TANC2: variants seen among roughly 807,000 people sequenced by gnomAD.
TANC2 encodes the protein protein TANC2.
In TANC2, 26 loss-of-function variants were observed where a neutral mutation model predicts 210.5. The ratio of observed to expected loss-of-function variants is 0.12; its 90% CI spans 0.09 to 0.17. The LOEUF (loss-of-function observed/expected upper bound fraction) is 0.17. Ranked by LOEUF, TANC2 falls within the 10% of genes least tolerant of loss-of-function variation. The probability of loss-of-function intolerance (pLI) is 1.00; values close to 1 mark genes in which losing one functional copy is unlikely to be tolerated. For synonymous variants in TANC2, 931 were observed against 967.1 expected (o/e 0.96, Z 0.69); for missense variants, 2,129 against 2,608.9 (o/e 0.82, Z 4.01).
At chr17:63,332,362 T>C in intron 11 of TANC2, 1 of 311,636 alleles carries the variant, frequency 3.2e-6, no homozygotes, top group Non-Finnish European at 6.3e-6. Flanking sequence ...TTTTCTACAG[T>C]AAGTTTTTCA....
chr17:63,237,675 A>G (rs866444472), intron 7 of TANC2, 139 bp from the exon 8 acceptor site: 2 of 781,166 alleles, frequency 2.6e-6, no homozygotes, highest in African/African-American at 3.5e-5. Flanking sequence ...ATTCCCCTGC[A>G]TATGGCAATC....
At position 63,218,026 on chromosome 17, in the gene TANC2, G is replaced by A. The variant is rs775013828; in HGVS notation, c.769+17069G>A. ...TTGGTTAGGCACGGTGGCTCACGCC[G>A]TAATACCAGCACTTTGGGAGGTCGA... On this transcript the variant is annotated intron_variant, in intron 7 of 27. Coordinates refer to ENST00000689528, the Ensembl canonical transcript of TANC2. 4.0e-5 allele frequency among the ~76,000 whole-genome samples: 6 copies of A among 151,800 alleles called. No homozygotes were observed. In the East Asian group the frequency reaches 5.8e-4, roughly 15 times the overall value.
intron 14 of TANC2, among the ~76,000 whole-genome samples, chr17:63,368,074 G>A (rs922547411): frequency 6.6e-6 from 1 of 152,212 alleles, no homozygotes; most frequent in African/African-American, 2.4e-5. Flanking sequence ...AGAGAGCAGA[G>A]TGTATGTGGG....
At chr17:63,304,861 G>C (rs6504159) in intron 9 of TANC2, among the ~76,000 whole-genome samples, 11,355 of 152,216 alleles carry the variant, frequency 0.075, 1,341 homozygotes, top group African/African-American at 0.25. Context: ...CTCTGTCCGC[G>C]GTCTGCCACA....
chr17:63,030,220 C>T (rs2034713660), intron 2 of TANC2, among the ~76,000 whole-genome samples: 1 of 151,978 alleles, frequency 6.6e-6, no homozygotes, highest in Non-Finnish European at 1.5e-5. Context: ...GAGTCTCCTC[C>T]CTGGTCAGTT....
rs189076919 is a variant in TANC2, at chr17:63,283,778, A to G, written c.1159+15905A>G. Among the ~76,000 whole-genome samples, 162 of 152,032 alleles carry G rather than the reference A, an allele frequency of 1.1e-3. 1 individual carries two copies. In the East Asian group the frequency reaches 0.012, roughly 11 times the overall value. ...TGATATTGCTTTTAGCTTAATTTCTAATTGTTCATTGCCAATATATAGAAG... is the reference window on the plus strand; with the variant it reads ...TGATATTGCTTTTAGCTTAATTTCTGATTGTTCATTGCCAATATATAGAAG... On this transcript the variant is annotated intron_variant, in intron 9 of 27. Coordinates refer to ENST00000689528, the Ensembl canonical transcript of TANC2.
intron 26 of TANC2, 22 bp downstream of exon 26, chr17:63,415,696 T>G (rs1274880687): frequency 2.5e-6 from 4 of 1,607,478 alleles, no homozygotes; most frequent in Non-Finnish European, 3.4e-6. Flanking sequence ...TCACCCCAAC[T>G]CCTTTCTGCA....
At chr17:63,263,138 A>G (rs1287937608) in intron 8 of TANC2, among the ~76,000 whole-genome samples, 2 of 152,172 alleles carry the variant, frequency 1.3e-5, no homozygotes, top group East Asian at 3.8e-4. Context: ...GCACATTTTA[A>G]TCGGCTCTTA....
intron 18 of TANC2, among the ~76,000 whole-genome samples, 149 bp from the exon 19 acceptor site, chr17:63,398,668 GTTTC>G (rs771699134): frequency 3.9e-5 from 6 of 152,214 alleles, no homozygotes; most frequent in African/African-American, 9.6e-5. Flanking sequence ...GAAGCTGTGA[GTTTC>G]TTTATTAGGA....
chr17:63,291,156 G>T (rs543513097), intron 9 of TANC2, among the ~76,000 whole-genome samples: 1 of 152,196 alleles, frequency 6.6e-6, no homozygotes, highest in African/African-American at 2.4e-5. Context: ...CATGCACAGA[G>T]CTTGGAAAAT....
At chr17:63,028,647 C>T (rs1326906976) in intron 2 of TANC2, among the ~76,000 whole-genome samples, 3 of 152,108 alleles carry the variant, frequency 2.0e-5, no homozygotes, top group Non-Finnish European at 4.4e-5. Flanking sequence ...GTTTCATCTC[C>T]ACTTTTCAGG....
At chr17:63,219,031 T>C in intron 7 of TANC2, among the ~76,000 whole-genome samples, 1 of 152,190 alleles carries the variant, frequency 6.6e-6, no homozygotes, top group East Asian at 1.9e-4. Flanking sequence ...AAGCACTAAA[T>C]TGTGGAATAA....
chr17:63,413,307 G>A lies in TANC2; in HGVS notation c.3929-236G>A, dbSNP rs565924535. 5.3e-4 allele frequency: 204 copies of A among 384,196 alleles called. 2 individuals carry two copies. Among genetic ancestry groups the A allele is most frequent in the African/African-American group, 1.1e-3 (51 of 48,306 alleles). 23.8% of individuals were successfully genotyped at this position (384,196 alleles called of 1,614,324 possible). ...GCAGCACGCAGGCTTTGCTGCCCTC[G>A]CGTGGGGCAGGCTCACATGGTTCAA... On this transcript the variant is annotated intron_variant, in intron 24 of 27. Transcript: ENST00000689528.
chr17:63,008,493 G>A (rs1183856876), intron 1 of TANC2, among the ~76,000 whole-genome samples: 2 of 152,100 alleles, frequency 1.3e-5, no homozygotes, highest in Non-Finnish European at 2.9e-5. Context: ...AAATTTTGCT[G>A]TTGAGAAGAG....
chr17:63,326,770 A>G (rs1292049499), intron 11 of TANC2, among the ~76,000 whole-genome samples: 1 of 152,106 alleles, frequency 6.6e-6, no homozygotes, highest in African/African-American at 2.4e-5. Flanking sequence ...CTAATGTTGC[A>G]TGACCAAAAA....
intron 20 of TANC2, 95 bp downstream of exon 20, chr17:63,405,350 G>A: frequency 7.2e-7 from 1 of 1,387,280 alleles, no homozygotes; most frequent in Non-Finnish European, 9.5e-7. Flanking sequence ...AGTAAAGTTT[G>A]GGTTACCCAG....
intron 12 of TANC2, among the ~76,000 whole-genome samples, chr17:63,347,898 T>C (rs1011498457): frequency 6.6e-5 from 10 of 152,160 alleles, no homozygotes; most frequent in African/African-American, 2.2e-4. Context: ...CCTCAGTAAC[T>C]AGGACTACAG....
chr17:63,390,023 GAGA>G (rs780944671), intron 17 of TANC2: 5 of 176,850 alleles, frequency 2.8e-5, no homozygotes, highest in Admixed American at 5.3e-5. Flanking sequence ...GAGATAAGGG[GAGA>G]AGATGATTCT....
intron 11 of TANC2, among the ~76,000 whole-genome samples, chr17:63,335,093 T>C (rs746048360): frequency 6.6e-6 from 1 of 152,150 alleles, no homozygotes; most frequent in African/African-American, 2.4e-5. Context: ...ATCTCCAACA[T>C]TGGGAATTAC....
Sources: allele counts gnomAD v4.1 joint callset (sites outside exome capture counted in the v4.1 genomes callset), GRCh38; gene constraint gnomAD v4.1.1; transcripts MANE v1.5; gene names NCBI Gene and HGNC (gene_info 2026-07-23, HGNC 2026-07-21).